KIFAP3: variants seen among roughly 807,000 people sequenced by gnomAD.
KIFAP3 encodes the protein kinesin-associated protein 3.
Under a neutral mutation model 106.5 loss-of-function variants are expected in KIFAP3, and 68 were observed. The ratio of observed to expected loss-of-function variants is 0.64; its 90% CI spans 0.53 to 0.78. The LOEUF (loss-of-function observed/expected upper bound fraction) is 0.78. Among genes scored for constraint, KIFAP3 ranks in the 30% least tolerant of loss-of-function variants. KIFAP3 has a pLI of 0.00. For missense variants in KIFAP3, 780 were observed against 941.8 expected, an observed-to-expected ratio of 0.83 and a Z score of 2.25; for synonymous variants, 320 against 311.5, an observed-to-expected ratio of 1.03 and a Z score of -0.29.
upstream of KIFAP3, among the ~76,000 whole-genome samples, chr1:170,078,962 T>C (rs1433557186): frequency 1.3e-5 from 2 of 152,222 alleles, no homozygotes; most frequent in East Asian, 3.8e-4. Context: ...ATGGGGTTTA[T>C]CCCAGGAATG....
At chr1:169,961,006 T>C (rs1051868466) in intron 18 of KIFAP3, 40 bp downstream of exon 18, 9 of 1,530,122 alleles carry the variant, frequency 5.9e-6, no homozygotes, top group East Asian at 4.5e-5. Context: ...TCTCTATTCA[T>C]AGCATATAAT....
intron 1 of KIFAP3, among the ~76,000 whole-genome samples, chr1:170,064,058 T>C (rs902140595): frequency 1.3e-5 from 2 of 152,236 alleles, no homozygotes; most frequent in African/African-American, 2.4e-5. Context: ...TAACCAACTA[T>C]ATCAAAATTC....
At chr1:170,047,941 T>C (rs1048682509) in intron 2 of KIFAP3, among the ~76,000 whole-genome samples, 1 of 152,162 alleles carries the variant, frequency 6.6e-6, no homozygotes, top group Non-Finnish European at 1.5e-5. Context: ...GCAAGGTTCT[T>C]TTGAAAAAGA....
intron 8 of KIFAP3, among the ~76,000 whole-genome samples, chr1:170,027,094 A>G (rs1378016396): frequency 7.3e-6 from 1 of 137,018 alleles, no homozygotes; most frequent in Non-Finnish European, 1.5e-5. Flanking sequence ...ACCTTGGCTC[A>G]CTGCAACCTC....
At chr1:170,006,486 G>A (rs539310861) in intron 10 of KIFAP3, among the ~76,000 whole-genome samples, 1 of 152,116 alleles carries the variant, frequency 6.6e-6, no homozygotes, top group East Asian at 1.9e-4. Flanking sequence ...GGTGGGTGGT[G>A]CACAGGTAGT....
At chr1:169,987,941 C>T (rs928689158) in intron 11 of KIFAP3, among the ~76,000 whole-genome samples, 14 of 151,902 alleles carry the variant, frequency 9.2e-5, no homozygotes, top group African/African-American at 2.4e-4. Context: ...CATTAACTCC[C>T]GCTTATCCTC....
chr1:170,021,268 T>C (rs1305196207), intron 9 of KIFAP3, among the ~76,000 whole-genome samples: 1 of 151,882 alleles, frequency 6.6e-6, no homozygotes, highest in Non-Finnish European at 1.5e-5. Flanking sequence ...ACCTCACAAA[T>C]AGCTCAGCCA....
At chr1:170,046,968 C>T (rs1670291566) in intron 2 of KIFAP3, 102 bp from the exon 3 acceptor site, 2 of 617,494 alleles carry the variant, frequency 3.2e-6, no homozygotes, top group Non-Finnish European at 2.4e-6. Context: ...TTATAGAGAA[C>T]CTGGCCATAG....
intron 15 of KIFAP3, among the ~76,000 whole-genome samples, chr1:169,981,252 A>G (rs753763121): frequency 6.6e-5 from 10 of 152,346 alleles, no homozygotes; most frequent in African/African-American, 9.6e-5. Context: ...GAAATAATTC[A>G]TAAGTTTTAA....
intron 2 of KIFAP3, among the ~76,000 whole-genome samples, chr1:170,051,107 CAA>C (rs1670553084): frequency 6.8e-6 from 1 of 147,828 alleles, no homozygotes; most frequent in African/African-American, 2.5e-5. Context: ...ATCTCACATG[CAA>C]AGACACAGGC....
At chr1:169,962,230 T>C (rs1242427894) in intron 17 of KIFAP3, among the ~76,000 whole-genome samples, 1 of 152,224 alleles carries the variant, frequency 6.6e-6, no homozygotes, top group Non-Finnish European at 1.5e-5. Flanking sequence ...GTTTTGATCA[T>C]AAACTCCTAT....
intron 10 of KIFAP3, among the ~76,000 whole-genome samples, chr1:170,004,477 G>C (rs11590677): frequency 0.12 from 18,015 of 150,474 alleles, 1,196 homozygotes; most frequent in East Asian, 0.18. Flanking sequence ...CTACAGTAAC[G>C]AAAACAGCAT....
At chr1:170,079,615 A>G (rs755020828), upstream of KIFAP3, among the ~76,000 whole-genome samples, 1 of 152,120 alleles carries the variant, frequency 6.6e-6, no homozygotes, top group Non-Finnish European at 1.5e-5. Flanking sequence ...ATTCTGTTTC[A>G]TTGATCTATC....
upstream of KIFAP3, among the ~76,000 whole-genome samples, chr1:170,079,114 G>A (rs1162998108): frequency 6.6e-6 from 1 of 152,222 alleles, no homozygotes; most frequent in Non-Finnish European, 1.5e-5. Flanking sequence ...TTTGGGTGAT[G>A]CAGACAGATC....
intron 2 of KIFAP3, among the ~76,000 whole-genome samples, chr1:170,047,869 A>G (rs6670191): frequency 0.16 from 24,978 of 152,106 alleles, 2,219 homozygotes; most frequent in Middle Eastern, 0.22. Context: ...TAAAGACATA[A>G]AATTAGGTTC....
chr1:169,928,699 C>CAA lies in KIFAP3; in HGVS notation c.2274-6920_2274-6919dup, dbSNP rs10690029. Among the ~76,000 whole-genome samples, 34 of 37,774 alleles carry CAA rather than the reference C, an allele frequency of 9.0e-4. 8 individuals are homozygous for CAA. The South Asian group carries it at 9.3e-3, about 10-fold the overall frequency. The allele number at this position is 37,774 out of a possible 152,430, so 24.8% of individuals were successfully genotyped here. On this transcript the variant is annotated intron_variant, in intron 19 of 19. Coordinates refer to ENST00000361580, the MANE Select transcript of KIFAP3 (RefSeq NM_014970.4). Reference sequence around the variant, plus strand: ...AACAGAGTGAGTGAGACCCTGTCTCCAAAAAAAAAAAAAAAAAAAAAATTA... The same window carrying CAA: ...AACAGAGTGAGTGAGACCCTGTCTCCAAAAAAAAAAAAAAAAAAAAAAAATTA...
intron 1 of KIFAP3, among the ~76,000 whole-genome samples, chr1:170,066,113 T>C (rs956283068): frequency 1.3e-5 from 2 of 152,156 alleles, no homozygotes; most frequent in Non-Finnish European, 2.9e-5. Flanking sequence ...ACCTTTTTTT[T>C]TTCACAAGGT....
intron 1 of KIFAP3, among the ~76,000 whole-genome samples, chr1:170,060,708 T>A (rs1375602991): frequency 1.3e-5 from 2 of 152,082 alleles, no homozygotes; most frequent in Non-Finnish European, 2.9e-5. Context: ...ACCAAGTCAA[T>A]CCTAAGCCAA....
intron 19 of KIFAP3, among the ~76,000 whole-genome samples, chr1:169,928,808 T>C (rs534527823): frequency 8.6e-5 from 13 of 151,848 alleles, no homozygotes; most frequent in Non-Finnish European, 1.5e-4. Context: ...TTATATTTCA[T>C]TGGAATGGAG....
Sources: gnomAD v4.1 joint callset for allele counts (sites outside exome capture counted in the v4.1 genomes callset) on GRCh38, gnomAD v4.1.1 for gene constraint, MANE v1.5 for transcripts, NCBI Gene and HGNC (gene_info 2026-07-23, HGNC 2026-07-21) for gene names.